Variants in AGBL4 observed in about 807,000 individuals in gnomAD.
AGBL4 encodes the protein cytosolic carboxypeptidase 6.
AGBL4 carries 58 observed loss-of-function variants against 66.4 expected under a neutral mutation model. That is an observed-to-expected ratio of 0.87 (90% confidence interval 0.71 to 1.09). AGBL4 has a LOEUF of 1.09. Among genes scored for constraint, AGBL4 ranks in the 50% least tolerant of loss-of-function variants. The pLI is 0.00. For missense variants in AGBL4, 579 were observed against 631.0 expected (o/e 0.92, Z 0.88); for synonymous variants, 234 against 222.9 (o/e 1.05, Z -0.44).
chr1:48,743,254 G>C (rs932269679), intron 6 of AGBL4, among the ~76,000 whole-genome samples: 4 of 152,180 alleles, frequency 2.6e-5, no homozygotes, highest in Non-Finnish European at 1.5e-5. Context: ...CTAGTATCTA[G>C]ACTGGAGCAT....
intron 6 of AGBL4, among the ~76,000 whole-genome samples, chr1:48,698,577 C>T (rs1326028204): frequency 1.3e-5 from 2 of 152,218 alleles, no homozygotes; most frequent in Non-Finnish European, 2.9e-5. Flanking sequence ...TCCTGCCCAG[C>T]TCACAGCAGC....
rs548102078 is a variant in AGBL4, at chr1:48,698,096, A to ACC, written c.635-34857_635-34856dup. On this transcript the variant is annotated intron_variant, in intron 6 of 13. Transcript: ENST00000371839. ...CTGGACTGTGTTCTCCCTCCACTGTACCCAGGCCATGGTGACCCTCCACTC... is the reference window on the plus strand; with the variant it reads ...CTGGACTGTGTTCTCCCTCCACTGTACCCCCAGGCCATGGTGACCCTCCACTC... 6.5e-3 allele frequency among the ~76,000 whole-genome samples: 990 copies of ACC among 152,190 alleles called. 2 individuals carry two copies. Among genetic ancestry groups the ACC allele is most frequent in the Non-Finnish European group, 8.9e-3 (608 of 68,000 alleles).
chr1:49,500,236 T>C (rs1648014706), intron 3 of AGBL4, among the ~76,000 whole-genome samples: 2 of 152,030 alleles, frequency 1.3e-5, no homozygotes, highest in Non-Finnish European at 2.9e-5. Context: ...TGTTTTCTTC[T>C]TGCTGATTTG....
rs1477149006 is a variant in AGBL4 at position 48,653,412 on chromosome 1, C to T, written c.764G>A (p.Cys255Tyr). The change falls in exon 8 of 14, where the codon TGT becomes TAT. Residue 255 changes from cysteine (C) to tyrosine (Y), a missense_variant. Coordinates refer to ENST00000371839, the MANE Select transcript of AGBL4 (RefSeq NM_032785.4). ...GAAGACCAGGTATTCCCGGAGGACA[C>T]AGGCAATAGGGTGCTGGCTTACAAG... is the stretch of plus-strand genomic sequence containing the variant. ...DFLVSQHPIA[C>Y]VLREYLVFKI... The T allele has an allele frequency of 1.3e-6, 2 of 1,587,822 alleles. No individual in the cohort carries two copies. Among genetic ancestry groups the T allele is most frequent in the Admixed American group, 3.5e-5 (2 of 56,462 alleles).
intron 6 of AGBL4, among the ~76,000 whole-genome samples, chr1:48,747,741 A>G (rs528582104): frequency 2.6e-5 from 4 of 152,138 alleles, no homozygotes; most frequent in African/African-American, 7.2e-5. Flanking sequence ...ACCATTTTCT[A>G]TTCTTGTTGT....
At chr1:49,315,427 C>A (rs1645022553) in intron 3 of AGBL4, among the ~76,000 whole-genome samples, 1 of 151,984 alleles carries the variant, frequency 6.6e-6, no homozygotes, top group Non-Finnish European at 1.5e-5. Context: ...TTCTGCACAG[C>A]AAAACAAACT....
chr1:49,301,020 G>C (rs1428811227), intron 3 of AGBL4, among the ~76,000 whole-genome samples: 1 of 152,170 alleles, frequency 6.6e-6, no homozygotes, highest in African/African-American at 2.4e-5. Context: ...TGGATTAAGA[G>C]CTCCTTGAGG....
At chr1:49,094,987 C>A (rs577094217) in intron 4 of AGBL4, among the ~76,000 whole-genome samples, 5 of 152,280 alleles carry the variant, frequency 3.3e-5, no homozygotes, top group African/African-American at 9.6e-5. Flanking sequence ...TCAGCAAAGT[C>A]TCAGGATACA....
At chr1:49,720,693 T>C (rs1365000763) in intron 2 of AGBL4, among the ~76,000 whole-genome samples, 3 of 152,138 alleles carry the variant, frequency 2.0e-5, no homozygotes, top group Non-Finnish European at 4.4e-5. Flanking sequence ...ACGTGATACG[T>C]GCAGAGGTGT....
chr1:48,880,684 T>C (rs1330653848), intron 5 of AGBL4, among the ~76,000 whole-genome samples: 1 of 152,204 alleles, frequency 6.6e-6, no homozygotes, highest in Non-Finnish European at 1.5e-5. Context: ...TGGTATCACA[T>C]TGTGGTTTTG....
intron 3 of AGBL4, among the ~76,000 whole-genome samples, chr1:49,327,981 T>C (rs1645258608): frequency 6.6e-6 from 1 of 152,120 alleles, no homozygotes; most frequent in Non-Finnish European, 1.5e-5. Flanking sequence ...AAAGAGACAT[T>C]TCCGTTTTGA....
At chr1:49,036,724 A>ATT (rs35463441) in intron 5 of AGBL4, among the ~76,000 whole-genome samples, 11,559 of 139,272 alleles carry the variant, frequency 0.083, 591 homozygotes, top group African/African-American at 0.15. Flanking sequence ...TGCTCAGCTA[A>ATT]TTTTTTTTTT....
chr1:48,886,505 C>T (rs4285747), intron 5 of AGBL4, among the ~76,000 whole-genome samples: 76,509 of 151,992 alleles, frequency 0.5, 22,243 homozygotes, highest in Non-Finnish European at 0.67. Flanking sequence ...CACACTTCTC[C>T]GGGAGCATCA....
intron 5 of AGBL4, among the ~76,000 whole-genome samples, chr1:48,906,985 A>G (rs905716817): frequency 3.9e-5 from 6 of 152,220 alleles, no homozygotes; most frequent in Non-Finnish European, 5.9e-5. Context: ...GGTATGGAAT[A>G]TGGTCTTGAG....
intron 5 of AGBL4, among the ~76,000 whole-genome samples, chr1:49,015,560 C>CTG (rs991832061): frequency 1.5e-4 from 22 of 151,528 alleles, no homozygotes; most frequent in African/African-American, 4.6e-4. Context: ...GTAGCTGGGA[C>CTG]TACAGGCGCC....
rs535722904 is a variant in AGBL4 at position 50,017,168 on chromosome 1, T to C, written c.34+6595A>G. 5.9e-5 allele frequency: 9 copies of C among 152,256 alleles called. No individual in the cohort carries two copies. In the East Asian group the frequency reaches 1.4e-3, roughly 23 times the overall value. The allele number at this position is 152,256 out of a possible 1,614,324, so 9.4% of individuals were successfully genotyped here. A position where few individuals can be genotyped will look rare whatever the true frequency, so the allele number is the denominator to read the frequency against. On this transcript the variant is annotated intron_variant, in intron 1 of 13. Coordinates refer to ENST00000371839, the MANE Select transcript of AGBL4 (RefSeq NM_032785.4). ...GCAACCACATCTATAATTCTCATGA[T>C]AGCTATCATTTCCAATAACCTGTCT...
intron 3 of AGBL4, among the ~76,000 whole-genome samples, chr1:49,610,930 T>C (rs918730828): frequency 2.0e-5 from 3 of 152,034 alleles, no homozygotes; most frequent in Non-Finnish European, 4.4e-5. Flanking sequence ...ACAAAAAGAA[T>C]TTAATAAATG....
At chr1:49,503,585 C>A (rs1308559872) in intron 3 of AGBL4, among the ~76,000 whole-genome samples, 1 of 152,182 alleles carries the variant, frequency 6.6e-6, no homozygotes, top group Non-Finnish European at 1.5e-5. Context: ...TGCAAAGCCA[C>A]AGGGGCAGAG....
chr1:49,468,989 G>A (rs940269737), intron 3 of AGBL4, among the ~76,000 whole-genome samples: 4 of 151,738 alleles, frequency 2.6e-5, no homozygotes, highest in African/African-American at 9.7e-5. Flanking sequence ...CTCATCAAAC[G>A]ACTTAGGTTG....
Sources: allele counts gnomAD v4.1 joint callset (sites outside exome capture counted in the v4.1 genomes callset), GRCh38; gene constraint gnomAD v4.1.1; transcripts MANE v1.5; gene names NCBI Gene and HGNC (gene_info 2026-07-23, HGNC 2026-07-21).